RAB10: variants seen among roughly 807,000 people sequenced by gnomAD.
RAB10 encodes the protein ras-related protein Rab-10.
RAB10 carries 5 observed loss-of-function variants against 25.7 expected under a neutral mutation model. That is an observed-to-expected ratio of 0.19 (90% CI 0.10 to 0.41). The LOEUF is 0.41. Ranked by LOEUF, RAB10 falls within the 10% of genes least tolerant of loss-of-function variation. The pLI, the probability that RAB10 is intolerant of heterozygous loss-of-function variation, is 1.00. For synonymous variants in RAB10, 89 were observed against 86.4 expected, an observed-to-expected ratio of 1.03 and a Z score of -0.16; for missense variants, 103 against 245.8, an observed-to-expected ratio of 0.42 and a Z score of 3.89.
At chr2:26,106,627 T>C (rs897981893) in intron 2 of RAB10, among the ~76,000 whole-genome samples, 25 of 152,234 alleles carry the variant, frequency 1.6e-4, no homozygotes, top group African/African-American at 5.8e-4. Context: ...GGCTCACGCC[T>C]ATAACCCCAG....
chr2:26,049,486 G>GCAACCTC (rs1459873180), intron 1 of RAB10, among the ~76,000 whole-genome samples: 1 of 150,000 alleles, frequency 6.7e-6, no homozygotes, highest in Admixed American at 6.7e-5. Context: ...TCTGCTCACT[G>GCAACCTC]CAACCTCCAC....
intron 1 of RAB10, among the ~76,000 whole-genome samples, chr2:26,088,817 G>A (rs191103118): frequency 1.2e-4 from 18 of 152,060 alleles, no homozygotes; most frequent in African/African-American, 4.3e-4. Context: ...TAGACACAGG[G>A]TTTCACCGTG....
At chr2:26,078,193 G>T (rs1666780700) in intron 1 of RAB10, among the ~76,000 whole-genome samples, 1 of 152,134 alleles carries the variant, frequency 6.6e-6, no homozygotes, top group African/African-American at 2.4e-5. Flanking sequence ...CTAAGTAAAT[G>T]GAAGGGCATC....
chr2:26,097,178 T>C (rs956300649), intron 1 of RAB10, among the ~76,000 whole-genome samples: 1 of 152,108 alleles, frequency 6.6e-6, no homozygotes, highest in Non-Finnish European at 1.5e-5. Flanking sequence ...ATCATGCCAC[T>C]GCACTCTAGC....
chr2:26,090,709 G>A (rs1369831138), intron 1 of RAB10, among the ~76,000 whole-genome samples: 6 of 151,674 alleles, frequency 4.0e-5, no homozygotes, highest in South Asian at 2.1e-4. Flanking sequence ...CAAGGAGGGC[G>A]GATCACATAA....
At chr2:26,115,686 T>TA (rs908867744) in intron 3 of RAB10, among the ~76,000 whole-genome samples, 34 of 152,210 alleles carry the variant, frequency 2.2e-4, no homozygotes, top group Non-Finnish European at 4.1e-4. Flanking sequence ...CGTAAATAAC[T>TA]AAAAAAACAC....
chr2:26,088,394 A>G (rs903081901), intron 1 of RAB10, among the ~76,000 whole-genome samples: 1 of 152,200 alleles, frequency 6.6e-6, no homozygotes, highest in African/African-American at 2.4e-5. Flanking sequence ...TTTTTACATA[A>G]GCAAAACCAA....
intron 1 of RAB10, among the ~76,000 whole-genome samples, chr2:26,069,853 G>A (rs1461915719): frequency 1.3e-5 from 2 of 151,788 alleles, no homozygotes; most frequent in Non-Finnish European, 2.9e-5. Flanking sequence ...CTACAGGCAC[G>A]TGCCACCATG....
At chr2:26,113,165 A>G (rs1667610032) in intron 3 of RAB10, among the ~76,000 whole-genome samples, 1 of 152,212 alleles carries the variant, frequency 6.6e-6, no homozygotes, top group African/African-American at 2.4e-5. Context: ...TTACCCAGGA[A>G]TGCAAGGGTC....
intron 3 of RAB10, among the ~76,000 whole-genome samples, chr2:26,120,917 T>A (rs1378719018): frequency 5.4e-5 from 8 of 148,552 alleles, no homozygotes; most frequent in Admixed American, 5.4e-4. Flanking sequence ...TATATTATAA[T>A]TTTTTTTTTC....
At chr2:26,133,576 C>T (rs1052333861) in intron 5 of RAB10, among the ~76,000 whole-genome samples, 1 of 152,048 alleles carries the variant, frequency 6.6e-6, no homozygotes, top group African/African-American at 2.4e-5. Context: ...GCTTTATGTA[C>T]TTTTCTGTAT....
At chr2:26,058,645 GCT>G (rs1473692546) in intron 1 of RAB10, among the ~76,000 whole-genome samples, 1 of 152,074 alleles carries the variant, frequency 6.6e-6, no homozygotes, top group Non-Finnish European at 1.5e-5. Context: ...ATTCATCTTT[GCT>G]CTCTTTTGAA....
chr2:26,116,297 C>T (rs1037367030), intron 3 of RAB10, among the ~76,000 whole-genome samples: 6 of 152,176 alleles, frequency 3.9e-5, no homozygotes, highest in Middle Eastern at 3.2e-3. Context: ...GGACTACAGG[C>T]ATGTGCCACC....
intron 2 of RAB10, 123 bp from the exon 3 acceptor site, chr2:26,109,645 A>G (rs1667532797): frequency 3.0e-6 from 3 of 987,950 alleles, no homozygotes; most frequent in Non-Finnish European, 4.1e-6. Context: ...TGGGTAGGTT[A>G]TTAATTTCCT....
Position 26,098,936 on chromosome 2 carries a change from TATATACTC to T in RAB10, c.188+217_188+224del, listed in dbSNP as rs1466329305. 5.3e-5 allele frequency among the ~76,000 whole-genome samples: 8 copies of T among 152,330 alleles called. No individual in the cohort carries two copies. The South Asian group carries it at 8.3e-4, about 16-fold the overall frequency. On this transcript the variant is annotated intron_variant, in intron 2 of 5. Transcript: ENST00000264710. Reference sequence around the variant, plus strand: ...ACTTACCGTGTGAACTGAGGCAGATTATATACTCATTATTAGGCTTTTTATCTTCATAT... The same window carrying T: ...ACTTACCGTGTGAACTGAGGCAGATTATTATTAGGCTTTTTATCTTCATAT...
intron 1 of RAB10, among the ~76,000 whole-genome samples, chr2:26,057,417 C>T (rs1403239146): frequency 2.1e-5 from 3 of 140,542 alleles, no homozygotes; most frequent in South Asian, 2.2e-4. Flanking sequence ...CCAGCCTGGG[C>T]AACATAGACA....
intron 1 of RAB10, among the ~76,000 whole-genome samples, chr2:26,077,848 A>G (rs1666771553): frequency 6.6e-6 from 1 of 151,946 alleles, no homozygotes; most frequent in Non-Finnish European, 1.5e-5. Flanking sequence ...ATGTTGTGGC[A>G]CTCACCTGTA....
chr2:26,094,338 A>C (rs1389371348), intron 1 of RAB10, among the ~76,000 whole-genome samples: 1 of 150,132 alleles, frequency 6.7e-6, no homozygotes, highest in East Asian at 2.0e-4. Context: ...TGCAACCTCC[A>C]CCTCCCGGGT....
At chr2:26,118,421 T>TA (rs1237616456) in intron 3 of RAB10, among the ~76,000 whole-genome samples, 4 of 73,044 alleles carry the variant, frequency 5.5e-5, no homozygotes, top group East Asian at 4.1e-4. Flanking sequence ...ATAAGTGCTT[T>TA]AAAAAAAAAC....
Sources: allele counts gnomAD v4.1 joint callset (sites outside exome capture counted in the v4.1 genomes callset), GRCh38; gene constraint gnomAD v4.1.1; transcripts MANE v1.5; gene names NCBI Gene and HGNC (gene_info 2026-07-23, HGNC 2026-07-21).